The following FGGY variants were observed in gnomAD, a reference collection of about 807,000 sequenced individuals.
FGGY encodes the protein FGGY carbohydrate kinase domain containing, also known as FGGY carbohydrate kinase domain-containing protein.
Under a neutral mutation model 71.3 loss-of-function variants are expected in FGGY, and 72 were observed. The observed-to-expected ratio is 1.01, with a 90% CI of 0.84 to 1.23. The LOEUF (loss-of-function observed/expected upper bound fraction) is 1.23. Ranked by LOEUF, FGGY falls within the 50% of genes most tolerant of loss-of-function variation. The pLI is 0.00. For synonymous variants in FGGY, 251 were observed against 250.3 expected, an observed-to-expected ratio of 1.00 and a Z score of -0.02; for missense variants, 668 against 682.3, an observed-to-expected ratio of 0.98 and a Z score of 0.23.
chr1:59,453,204 G>C (rs995789441), intron 5 of FGGY, among the ~76,000 whole-genome samples: 3 of 152,106 alleles, frequency 2.0e-5, no homozygotes, highest in African/African-American at 7.2e-5. Context: ...CAATGAATTG[G>C]ACCCTAATAT....
At chr1:59,691,333 G>T (rs775045915) in intron 14 of FGGY, among the ~76,000 whole-genome samples, 31 of 152,214 alleles carry the variant, frequency 2.0e-4, no homozygotes, top group Non-Finnish European at 2.9e-4. Flanking sequence ...GGGTCACTGT[G>T]CCTGTCTGTG....
chr1:59,715,967 G>T (rs1364766009), intron 14 of FGGY, among the ~76,000 whole-genome samples: 1 of 152,180 alleles, frequency 6.6e-6, no homozygotes, highest in Non-Finnish European at 1.5e-5. Flanking sequence ...AAATAATTGT[G>T]ACAGCGACCA....
chr1:59,711,250 A>G (rs919967829), intron 14 of FGGY, among the ~76,000 whole-genome samples: 3 of 152,128 alleles, frequency 2.0e-5, no homozygotes, highest in Non-Finnish European at 4.4e-5. Flanking sequence ...ATGAGAACAT[A>G]TGGGCACAGG....
chr1:59,602,225 T>C (rs1474682357), intron 8 of FGGY, among the ~76,000 whole-genome samples: 1 of 152,200 alleles, frequency 6.6e-6, no homozygotes, highest in Non-Finnish European at 1.5e-5. Context: ...CTGAAAGCCC[T>C]CCTCTTCTAT....
At chr1:59,616,534 T>C (rs1572153389) in intron 9 of FGGY, among the ~76,000 whole-genome samples, 2 of 152,058 alleles carry the variant, frequency 1.3e-5, no homozygotes, top group Non-Finnish European at 2.9e-5. Flanking sequence ...TAATATTAAA[T>C]GACGAGTTAA....
intron 3 of FGGY, 48 bp from the exon 4 acceptor site, chr1:59,346,199 A>C: frequency 6.2e-7 from 1 of 1,604,188 alleles, no homozygotes; most frequent in Non-Finnish European, 8.5e-7. Flanking sequence ...CTTGAATTAG[A>C]AGGAAGAGAA....
intron 5 of FGGY, among the ~76,000 whole-genome samples, chr1:59,397,454 G>A (rs910825733): frequency 2.0e-5 from 3 of 152,236 alleles, no homozygotes; most frequent in Non-Finnish European, 4.4e-5. Flanking sequence ...ATCACAACAA[G>A]TTTGGCTAGA....
At chr1:59,708,981 A>C (rs767081972) in intron 14 of FGGY, among the ~76,000 whole-genome samples, 3 of 152,238 alleles carry the variant, frequency 2.0e-5, no homozygotes, top group African/African-American at 4.8e-5. Flanking sequence ...ATAAGGGCTC[A>C]ACCTTTTAAA....
intron 5 of FGGY, among the ~76,000 whole-genome samples, chr1:59,425,846 C>CT (rs2066271102): frequency 6.6e-6 from 1 of 152,200 alleles, no homozygotes; most frequent in South Asian, 2.1e-4. Flanking sequence ...AATCAGCTGA[C>CT]TCCTTACCCT....
intron 6 of FGGY, among the ~76,000 whole-genome samples, chr1:59,506,567 G>T (rs2094388107): frequency 6.6e-6 from 1 of 152,228 alleles, no homozygotes; most frequent in Non-Finnish European, 1.5e-5. Flanking sequence ...GGGAGGCCAA[G>T]GTGGGTGGAT....
chr1:59,601,198 C>T (rs964167468), intron 8 of FGGY, among the ~76,000 whole-genome samples: 2 of 152,142 alleles, frequency 1.3e-5, no homozygotes, highest in African/African-American at 4.8e-5. Flanking sequence ...CCTCCCAGGA[C>T]GACTGGCGCC....
At chr1:59,534,533 A>T (rs1161681803) in intron 7 of FGGY, among the ~76,000 whole-genome samples, 1 of 152,134 alleles carries the variant, frequency 6.6e-6, no homozygotes, top group Non-Finnish European at 1.5e-5. Flanking sequence ...TAATTGTCAG[A>T]TTCACCAAAG....
At chr1:59,527,328 A>G (rs1210037220) in intron 7 of FGGY, among the ~76,000 whole-genome samples, 1 of 152,206 alleles carries the variant, frequency 6.6e-6, no homozygotes, top group Non-Finnish European at 1.5e-5. Context: ...TATCTTTGCA[A>G]CCGCACTTAC....
chr1:59,499,299 G>GTTTGTTTTTT (rs774954925), intron 6 of FGGY, among the ~76,000 whole-genome samples: 6 of 105,816 alleles, frequency 5.7e-5, no homozygotes, highest in African/African-American at 2.4e-4. Flanking sequence ...TACTATGTTT[G>GTTTGTTTTTT]TTTTTTTTTT....
intron 14 of FGGY, among the ~76,000 whole-genome samples, chr1:59,744,312 C>A (rs2098175801): frequency 6.6e-6 from 1 of 152,214 alleles, no homozygotes; most frequent in African/African-American, 2.4e-5. Context: ...CCTCCGCCTT[C>A]TGGATTCAAG....
Position 59,346,349 on chromosome 1 carries a change from G to A in FGGY, c.416G>A (p.Gly139Glu), listed in dbSNP as rs1337002590. 1.2e-6 allele frequency: 2 copies of A among 1,611,880 alleles called. No homozygotes were observed. The highest frequency in any genetic ancestry group is 1.1e-5 in the South Asian group (1 of 90,988). The change falls in exon 4 of 16, where the codon GGG becomes GAG. Residue 139 changes from glycine to glutamate, a missense_variant. Transcript: ENST00000303721. ...TKHSVLQYVG[G>E]VMSVEMQAPK... Reference sequence around the variant, plus strand: ...CACAGTGTCCTCCAGTACGTCGGGGGGGTGATGTCTGTGGAAATGCAGGCC... The same window carrying A: ...CACAGTGTCCTCCAGTACGTCGGGGAGGTGATGTCTGTGGAAATGCAGGCC...
intron 8 of FGGY, among the ~76,000 whole-genome samples, chr1:59,570,207 G>A (rs1350765585): frequency 6.6e-6 from 1 of 152,134 alleles, no homozygotes; most frequent in African/African-American, 2.4e-5. Flanking sequence ...ATGTGCCCAG[G>A]TGATTCTAAT....
chr1:59,448,988 A>AC (rs910695916), intron 5 of FGGY, among the ~76,000 whole-genome samples: 4 of 152,066 alleles, frequency 2.6e-5, no homozygotes, highest in African/African-American at 9.7e-5. Flanking sequence ...AACCTATAAA[A>AC]CAGGGGCAGC....
chr1:59,669,540 CTTTTTTT>C (rs58004594), intron 13 of FGGY, among the ~76,000 whole-genome samples: 1 of 102,498 alleles, frequency 9.8e-6, no homozygotes, highest in African/African-American at 3.8e-5. Context: ...TTCTAGACTT[CTTTTTTT>C]TTTTTTTTTT....
Sources: gnomAD v4.1 joint callset for allele counts (sites outside exome capture counted in the v4.1 genomes callset) on GRCh38, gnomAD v4.1.1 for gene constraint, MANE v1.5 for transcripts, NCBI Gene and HGNC (gene_info 2026-07-23, HGNC 2026-07-21) for gene names.